Variants in TMEM178B observed in about 807,000 individuals in gnomAD.
TMEM178B encodes the protein transmembrane protein 178B.
A neutral mutation model predicts 31.0 loss-of-function variants in TMEM178B; 5 were observed. The ratio of observed to expected loss-of-function variants is 0.16; its 90% confidence interval spans 0.08 to 0.34. The LOEUF is 0.34. Among genes scored for constraint, TMEM178B ranks in the 10% least tolerant of loss-of-function variants. The pLI, the probability that TMEM178B is intolerant of heterozygous loss-of-function variation, is 1.00. For missense variants in TMEM178B, 275 were observed against 400.3 expected, an observed-to-expected ratio of 0.69 and a Z score of 2.67; for synonymous variants, 164 against 164.0, an observed-to-expected ratio of 1.00 and a Z score of 0.00.
At chr7:141,172,998 A>AG (rs992739924) in intron 1 of TMEM178B, 2 of 152,224 alleles carry the variant, frequency 1.3e-5, no homozygotes, top group Non-Finnish European at 2.9e-5. Flanking sequence ...AGTCTCCCAG[A>AG]GACTGCTGAG....
At chr7:141,161,200 G>A (rs949059386) in intron 1 of TMEM178B, among the ~76,000 whole-genome samples, 1 of 152,200 alleles carries the variant, frequency 6.6e-6, no homozygotes, top group African/African-American at 2.4e-5. Context: ...GAAGAGAGAT[G>A]TAAGGATGAA....
At chr7:141,270,783 C>G (rs1181865284) in intron 2 of TMEM178B, among the ~76,000 whole-genome samples, 1 of 152,226 alleles carries the variant, frequency 6.6e-6, no homozygotes, top group Non-Finnish European at 1.5e-5. Flanking sequence ...GTCGTTATCT[C>G]TCTAGTATCA....
At chr7:141,152,181 G>A (rs1795986066) in intron 1 of TMEM178B, among the ~76,000 whole-genome samples, 1 of 152,174 alleles carries the variant, frequency 6.6e-6, no homozygotes, top group Non-Finnish European at 1.5e-5. Context: ...ATTCAGGATG[G>A]GATGCAGGCT....
At chr7:141,466,668 C>A (rs1802152833) in intron 3 of TMEM178B, among the ~76,000 whole-genome samples, 1 of 152,162 alleles carries the variant, frequency 6.6e-6, no homozygotes, top group Admixed American at 6.5e-5. Flanking sequence ...TCCACAGCTT[C>A]AATTTATGAG....
At chr7:141,484,657 G>A (rs1802527627), downstream of TMEM178B, among the ~76,000 whole-genome samples, 1 of 152,168 alleles carries the variant, frequency 6.6e-6, no homozygotes, top group South Asian at 2.1e-4. The surrounding 1 kb of genome is among the most constrained non-coding windows in gnomAD (Gnocchi z 4.8). Context: ...GACCTCCAGG[G>A]TTCAAGCGAT....
chr7:141,300,992 T>C (rs1012021723), intron 2 of TMEM178B, among the ~76,000 whole-genome samples: 14 of 152,194 alleles, frequency 9.2e-5, no homozygotes, highest in African/African-American at 3.4e-4. Context: ...CACATCTCTC[T>C]TTGGCTTCCA....
intron 2 of TMEM178B, among the ~76,000 whole-genome samples, chr7:141,272,004 T>C (rs1798193379): frequency 6.6e-6 from 1 of 152,158 alleles, no homozygotes; most frequent in Non-Finnish European, 1.5e-5. Flanking sequence ...TGGGCCTCCT[T>C]CTCTCCATGC....
rs1257410410 is a variant in TMEM178B at position 141,196,227 on chromosome 7, CT to C, written c.383-16360del. Among the ~76,000 whole-genome samples, 3 of 152,098 alleles carry C rather than the reference CT, an allele frequency of 2.0e-5. 1 individual carries two copies. The South Asian group carries it at 6.2e-4, about 32-fold the overall frequency. ...ATCATGTGAATGTGACCACCTTTTA[CT>C]TTTCCACTTTTTTCTGGTTTTTACT... On this transcript the variant is annotated intron_variant, in intron 1 of 3. Coordinates refer to ENST00000565468, the MANE Select transcript of TMEM178B (RefSeq NM_001195278.2).
the TMEM178B span, among the ~76,000 whole-genome samples, chr7:141,488,265 C>G: frequency 6.6e-6 from 1 of 152,168 alleles, no homozygotes; most frequent in Non-Finnish European, 1.5e-5. Flanking sequence ...AATTTGGTTT[C>G]TAGCCCCCAG....
At chr7:141,190,194 T>C (rs1228898611) in intron 1 of TMEM178B, among the ~76,000 whole-genome samples, 4 of 152,192 alleles carry the variant, frequency 2.6e-5, no homozygotes, top group Non-Finnish European at 4.4e-5. Context: ...CTACCAAACA[T>C]CATAGCTTAG....
At chr7:141,128,612 T>C (rs930328159) in intron 1 of TMEM178B, among the ~76,000 whole-genome samples, 5 of 152,006 alleles carry the variant, frequency 3.3e-5, no homozygotes, top group Admixed American at 3.3e-4. Flanking sequence ...CAGTTTGTCA[T>C]GTTTCATACA....
chr7:141,160,078 G>GTT (rs1796143667), intron 1 of TMEM178B, among the ~76,000 whole-genome samples: 1 of 148,754 alleles, frequency 6.7e-6, no homozygotes, highest in Admixed American at 6.7e-5. Context: ...AATTTCAATT[G>GTT]TTTTTGGGGA....
chr7:141,455,190 C>T (rs866942189), intron 3 of TMEM178B, among the ~76,000 whole-genome samples: 2 of 152,256 alleles, frequency 1.3e-5, no homozygotes, highest in Admixed American at 6.5e-5. Context: ...ATAGAAAACT[C>T]GTGTCCCTTC....
chr7:141,215,816 TTC>T (rs1797128416), intron 2 of TMEM178B, among the ~76,000 whole-genome samples: 1 of 85,472 alleles, frequency 1.2e-5, no homozygotes, highest in Admixed American at 1.8e-4. Flanking sequence ...CTTTCTTTCT[TTC>T]TTTCTTTCTT....
At position 141,150,083 on chromosome 7, in the gene TMEM178B, T is replaced by C. The variant is rs1446227928; in HGVS notation, c.383-62508T>C. ...TGGCTGAGGAGTCTCTTTAGCGGGG[T>C]TGGAAAGACTATGGATGGAGCAGAT... On this transcript the variant is annotated intron_variant, in intron 1 of 3. Coordinates refer to ENST00000565468, the MANE Select transcript of TMEM178B (RefSeq NM_001195278.2). 2.6e-5 allele frequency among the ~76,000 whole-genome samples: 4 copies of C among 151,762 alleles called. No individual in the cohort carries two copies. The East Asian group carries it at 5.8e-4, about 22-fold the overall frequency.
chr7:141,261,592 T>G (rs1177636296), intron 2 of TMEM178B, among the ~76,000 whole-genome samples: 1 of 151,988 alleles, frequency 6.6e-6, no homozygotes, highest in Non-Finnish European at 1.5e-5. Context: ...TAAGACCGAG[T>G]GAGTGCTTGA....
chr7:141,253,660 C>T (rs957156706), intron 2 of TMEM178B, among the ~76,000 whole-genome samples: 2 of 146,522 alleles, frequency 1.4e-5, no homozygotes, highest in African/African-American at 5.0e-5. Context: ...AGGTGATTCT[C>T]CTGTTTCAGC....
chr7:141,190,027 A>G (rs1796671670), intron 1 of TMEM178B, among the ~76,000 whole-genome samples: 2 of 152,332 alleles, frequency 1.3e-5, no homozygotes, highest in Non-Finnish European at 1.5e-5. Flanking sequence ...CATTATAATC[A>G]ACATTTAAAA....
At chr7:141,188,602 C>A (rs1796649542) in intron 1 of TMEM178B, among the ~76,000 whole-genome samples, 1 of 152,210 alleles carries the variant, frequency 6.6e-6, no homozygotes, top group Non-Finnish European at 1.5e-5. Context: ...GTATGTTCTA[C>A]ATCTGTATTC....
Sources: allele counts gnomAD v4.1 joint callset (sites outside exome capture counted in the v4.1 genomes callset), GRCh38; gene constraint gnomAD v4.1.1; non-coding constraint Gnocchi (gnomAD v3.1); transcripts MANE v1.5; gene names NCBI Gene and HGNC (gene_info 2026-07-23, HGNC 2026-07-21).